TRHDE: variants seen among roughly 807,000 people sequenced by gnomAD.
TRHDE encodes the protein thyrotropin-releasing hormone-degrading ectoenzyme.
TRHDE carries 72 observed loss-of-function variants against 125.7 expected under a neutral mutation model. The ratio of observed to expected loss-of-function variants is 0.57; its 90% CI spans 0.47 to 0.70. TRHDE has a LOEUF of 0.70. Among genes scored for constraint, TRHDE ranks in the 30% least tolerant of loss-of-function variants. TRHDE has a pLI of 0.00. For synonymous variants in TRHDE, 509 were observed against 509.1 expected (o/e 1.00, Z 0.00); for missense variants, 1,110 against 1,327.1 (o/e 0.84, Z 2.54).
chr12:72,653,409 T>C (rs1052799281), intron 17 of TRHDE, among the ~76,000 whole-genome samples: 1 of 152,108 alleles, frequency 6.6e-6, no homozygotes. Context: ...CTGAGCAACT[T>C]TCCTGGAAAA....
chr12:72,384,446 C>A (rs1430068457), intron 3 of TRHDE, among the ~76,000 whole-genome samples: 1 of 152,024 alleles, frequency 6.6e-6, no homozygotes, highest in East Asian at 1.9e-4. Flanking sequence ...TAATCAAGCA[C>A]CAACATTTTG....
intron 6 of TRHDE, among the ~76,000 whole-genome samples, chr12:72,523,038 T>A (rs1868274133): frequency 6.6e-6 from 1 of 152,036 alleles, no homozygotes; most frequent in Non-Finnish European, 1.5e-5. Context: ...AGACCAAATG[T>A]TTTTTATCAC....
intron 5 of TRHDE, among the ~76,000 whole-genome samples, chr12:72,481,325 A>G (rs1489993987): frequency 6.6e-6 from 1 of 151,140 alleles, no homozygotes; most frequent in Admixed American, 6.6e-5. Context: ...GATAGAATAA[A>G]AAAAAAAAAA....
intron 3 of TRHDE, among the ~76,000 whole-genome samples, chr12:72,382,432 G>C (rs916642470): frequency 6.6e-6 from 1 of 151,814 alleles, no homozygotes; most frequent in Non-Finnish European, 1.5e-5. Flanking sequence ...GGAGGGAGAG[G>C]GAGACAGGCC....
intron 6 of TRHDE, among the ~76,000 whole-genome samples, chr12:72,513,086 T>C (rs2135950819): frequency 6.6e-6 from 1 of 152,310 alleles, no homozygotes; most frequent in African/African-American, 2.4e-5. Flanking sequence ...CCTATACAGT[T>C]ACCAATGTTA....
chr12:72,586,868 G>A (rs11179267), intron 12 of TRHDE, among the ~76,000 whole-genome samples: 40,248 of 151,594 alleles, frequency 0.27, 8,129 homozygotes, highest in African/African-American at 0.54. Flanking sequence ...ACAAATTCAA[G>A]TAAGGCTAAT....
chr12:72,359,057 A>G (rs1870947446), intron 2 of TRHDE, among the ~76,000 whole-genome samples: 1 of 151,580 alleles, frequency 6.6e-6, no homozygotes, highest in Non-Finnish European at 1.5e-5. Flanking sequence ...TTTGTCTTAA[A>G]CAAAACAAGA....
At chr12:72,220,949 A>G (rs1877987760) in intron 2 of TRHDE, among the ~76,000 whole-genome samples, 1 of 152,124 alleles carries the variant, frequency 6.6e-6, no homozygotes, top group Non-Finnish European at 1.5e-5. Context: ...TTTTAAATGT[A>G]TTAAAATCAT....
chr12:72,215,019 G>C (rs150890823), intron 2 of TRHDE, among the ~76,000 whole-genome samples: 1 of 152,106 alleles, frequency 6.6e-6, no homozygotes, highest in Non-Finnish European at 1.5e-5. Flanking sequence ...CATGTGGTCC[G>C]TGTGAAGAGA....
chr12:72,450,467 A>G (rs1875515741), intron 3 of TRHDE, among the ~76,000 whole-genome samples: 1 of 152,090 alleles, frequency 6.6e-6, no homozygotes, highest in Non-Finnish European at 1.5e-5. Flanking sequence ...ATGTTTTGAA[A>G]TATGCATACA....
At chr12:72,590,895 T>C (rs1871644178) in intron 12 of TRHDE, among the ~76,000 whole-genome samples, 1 of 152,222 alleles carries the variant, frequency 6.6e-6, no homozygotes, top group African/African-American at 2.4e-5. Context: ...CTCTATCTTT[T>C]TATTATCTAG....
chr12:72,167,614 A>G (rs1397122695), intron 2 of TRHDE: 1 of 152,192 alleles, frequency 6.6e-6, no homozygotes, highest in Non-Finnish European at 1.5e-5. Context: ...TGCTGTATAC[A>G]ATGATGGAAT....
intron 6 of TRHDE, among the ~76,000 whole-genome samples, chr12:72,519,434 A>G (rs577508995): frequency 1.4e-4 from 22 of 152,254 alleles, no homozygotes; most frequent in Admixed American, 1.0e-3. Context: ...AGTTGATCGC[A>G]TCGGCTCCTG....
At chr12:72,612,417 G>A (rs1214860426) in intron 12 of TRHDE, among the ~76,000 whole-genome samples, 1 of 152,164 alleles carries the variant, frequency 6.6e-6, no homozygotes, top group Non-Finnish European at 1.5e-5. Context: ...TGAATGGAAG[G>A]AAGGAAGAAA....
chr12:72,161,645 A>G (rs1003696140), intron 2 of TRHDE, among the ~76,000 whole-genome samples: 1 of 152,186 alleles, frequency 6.6e-6, no homozygotes, highest in Non-Finnish European at 1.5e-5. Flanking sequence ...GGTGAACTGG[A>G]ACTTTTGTAC....
intron 2 of TRHDE, among the ~76,000 whole-genome samples, chr12:72,293,128 A>G (rs756147968): frequency 4.6e-5 from 7 of 151,576 alleles, no homozygotes; most frequent in Admixed American, 1.3e-4. Flanking sequence ...GCATCTACCA[A>G]TGGTCTCTCT....
At chr12:72,432,974 T>A (rs1874563376) in intron 3 of TRHDE, among the ~76,000 whole-genome samples, 1 of 152,132 alleles carries the variant, frequency 6.6e-6, no homozygotes, top group Non-Finnish European at 1.5e-5. Context: ...TTTATTAGAT[T>A]GAAGAAGTTA....
intron 18 of TRHDE, among the ~76,000 whole-genome samples, chr12:72,661,132 A>G (rs1874901349): frequency 6.6e-6 from 1 of 152,216 alleles, no homozygotes; most frequent in African/African-American, 2.4e-5. Context: ...TCATGATTTA[A>G]GAAGTGAATC....
intron 12 of TRHDE, among the ~76,000 whole-genome samples, chr12:72,614,638 A>T (rs1193696592): frequency 6.6e-6 from 1 of 152,120 alleles, no homozygotes; most frequent in African/African-American, 2.4e-5. Flanking sequence ...TTAAATGAAT[A>T]TTCAGTTAAT....
Sources: allele counts gnomAD v4.1 joint callset (sites outside exome capture counted in the v4.1 genomes callset), GRCh38; gene constraint gnomAD v4.1.1; transcripts MANE v1.5; gene names NCBI Gene and HGNC (gene_info 2026-07-23, HGNC 2026-07-21).